NEMP2: variants seen among roughly 807,000 people sequenced by gnomAD.
NEMP2 encodes nuclear envelope integral membrane protein 2.
A neutral mutation model predicts 54.2 loss-of-function variants in NEMP2; 53 were observed. The ratio of observed to expected loss-of-function variants is 0.98; its 90% confidence interval spans 0.78 to 1.23. The LOEUF is 1.23. Ranked by LOEUF, NEMP2 falls within the 50% of genes most tolerant of loss-of-function variation. The pLI, the probability that NEMP2 is intolerant of heterozygous loss-of-function variation, is 0.00. For missense variants in NEMP2, 455 were observed against 511.3 expected (o/e 0.89, Z 1.06); for synonymous variants, 197 against 190.3 (o/e 1.04, Z -0.29).
chr2:190,644,781 G>C, the NEMP2 span, among the ~76,000 whole-genome samples: 1 of 152,172 alleles, frequency 6.6e-6, no homozygotes, highest in Non-Finnish European at 1.5e-5. The surrounding 1 kb of genome is among the most constrained non-coding windows in gnomAD (Gnocchi z 4.4). Flanking sequence ...AGGCAGAAAA[G>C]ACAACTATTG....
At chr2:190,642,212 T>TTG in the NEMP2 span, among the ~76,000 whole-genome samples, 10 of 152,232 alleles carry the variant, frequency 6.6e-5, no homozygotes, top group South Asian at 4.1e-4. The surrounding 1 kb of genome is among the most constrained non-coding windows in gnomAD (Gnocchi z 4.1). Context: ...GGGTTTTTTT[T>TTG]TTGTTGTTGT....
chr2:190,550,894 T>C, the NEMP2 span, among the ~76,000 whole-genome samples: 63 of 152,320 alleles, frequency 4.1e-4, no homozygotes, highest in Non-Finnish European at 8.5e-4. The surrounding 1 kb of genome is among the most constrained non-coding windows in gnomAD (Gnocchi z 4.7). Context: ...AACCTAGTCA[T>C]TGTAAATATT....
At chr2:190,456,505 C>T in the NEMP2 span, among the ~76,000 whole-genome samples, 3 of 152,148 alleles carry the variant, frequency 2.0e-5, no homozygotes, top group African/African-American at 7.2e-5. This position sits in a 1 kb window ranked among gnomAD's most constrained non-coding sequence, Gnocchi z 5.4. Context: ...GTGATATGAG[C>T]CCCACTCCGG....
At chr2:190,616,327 A>G in the NEMP2 span, among the ~76,000 whole-genome samples, 6 of 152,260 alleles carry the variant, frequency 3.9e-5, no homozygotes, top group Admixed American at 2.6e-4. The surrounding 1 kb of genome is among the most constrained non-coding windows in gnomAD (Gnocchi z 5.1). Flanking sequence ...GTAAAATGGT[A>G]CTGGAATTAG....
At chr2:190,546,612 T>C in the NEMP2 span, among the ~76,000 whole-genome samples, 1 of 152,196 alleles carries the variant, frequency 6.6e-6, no homozygotes, top group African/African-American at 2.4e-5. The surrounding 1 kb of genome is among the most constrained non-coding windows in gnomAD (Gnocchi z 5.1). Context: ...TAACGTTAGA[T>C]GAAAATGAAT....
chr2:190,514,311 C>G lies in NEMP2; in HGVS notation c.953+142G>C. On this transcript the variant is annotated intron_variant, in intron 7 of 8. Coordinates refer to ENST00000409150, the MANE Select transcript of NEMP2 (RefSeq NM_001142645.2). The surrounding 1 kb of genome is among the most constrained non-coding windows in gnomAD (Gnocchi z 5.7). ...ATCAGATGCTTGGAGCTCTCTACCCCTACACCCCCAATCTTGCTCAGAATG... is the reference window on the plus strand; with the variant it reads ...ATCAGATGCTTGGAGCTCTCTACCCGTACACCCCCAATCTTGCTCAGAATG... 1 of 816,474 alleles carries G rather than the reference C, an allele frequency of 1.2e-6. No individual in the cohort carries two copies. Among genetic ancestry groups the G allele is most frequent in the Non-Finnish European group, 2.0e-6 (1 of 510,188 alleles). 50.6% of individuals were successfully genotyped at this position (816,474 alleles called of 1,614,324 possible). A position where few individuals can be genotyped will look rare whatever the true frequency, so the allele number is the denominator to read the frequency against.
the NEMP2 span, among the ~76,000 whole-genome samples, chr2:190,496,387 A>C: frequency 1.5e-4 from 23 of 152,332 alleles, no homozygotes; most frequent in East Asian, 3.5e-3. The surrounding 1 kb of genome is among the most constrained non-coding windows in gnomAD (Gnocchi z 4.7). Context: ...GCTGGTAGGA[A>C]TGTAAGCTGT....
chr2:190,579,657 C>T, the NEMP2 span, among the ~76,000 whole-genome samples: 1 of 152,168 alleles, frequency 6.6e-6, no homozygotes, highest in Admixed American at 6.5e-5. Context: ...AGATGTATGG[C>T]ATATAAATGC....
the NEMP2 span, among the ~76,000 whole-genome samples, chr2:190,632,106 A>G: frequency 6.6e-6 from 1 of 152,208 alleles, no homozygotes; most frequent in Non-Finnish European, 1.5e-5. This position sits in a 1 kb window ranked among gnomAD's most constrained non-coding sequence, Gnocchi z 4.8. Flanking sequence ...CTATGGTCTT[A>G]CTGGATCCAA....
At chr2:190,437,123 A>G in the NEMP2 span, 1 of 1,614,272 alleles carries the variant, frequency 6.2e-7, no homozygotes. This position sits in a 1 kb window ranked among gnomAD's most constrained non-coding sequence, Gnocchi z 5.9. Flanking sequence ...CCCCCCGAGT[A>G]CAGGAATTAC....
the NEMP2 span, among the ~76,000 whole-genome samples, chr2:190,485,510 A>G: frequency 1.1e-4 from 16 of 152,266 alleles, no homozygotes; most frequent in East Asian, 2.3e-3. This position sits in a 1 kb window ranked among gnomAD's most constrained non-coding sequence, Gnocchi z 5.1. Flanking sequence ...TTCTTGGAAT[A>G]TTTTTGAGTT....
chr2:190,592,316 T>C, the NEMP2 span, among the ~76,000 whole-genome samples: 1 of 152,170 alleles, frequency 6.6e-6, no homozygotes. The surrounding 1 kb of genome is among the most constrained non-coding windows in gnomAD (Gnocchi z 4.4). Flanking sequence ...GTATGTATAG[T>C]AGTTCCATAA....
At position 190,527,727 on chromosome 2, in the gene NEMP2, G is replaced by A. The variant is rs768102399; in HGVS notation, c.98-2349C>T. Among the ~76,000 whole-genome samples, 4 of 152,090 alleles carry A rather than the reference G, an allele frequency of 2.6e-5. No homozygotes were observed. Among genetic ancestry groups the A allele is most frequent in the African/African-American group, 9.7e-5 (4 of 41,418 alleles). On this transcript the variant is annotated intron_variant, in intron 1 of 8. Coordinates refer to ENST00000409150, the MANE Select transcript of NEMP2 (RefSeq NM_001142645.2). This position sits in a 1 kb window ranked among gnomAD's most constrained non-coding sequence, Gnocchi z 4.0. ...CAGGGCTGCAGGAGGTGAGCGGTGC[G>A]CGAGGCGAGTGATCATTACCACCTG...
At chr2:190,617,324 AT>A in the NEMP2 span, among the ~76,000 whole-genome samples, 1 of 151,760 alleles carries the variant, frequency 6.6e-6, no homozygotes, top group Non-Finnish European at 1.5e-5. The surrounding 1 kb of genome is among the most constrained non-coding windows in gnomAD (Gnocchi z 5.0). Flanking sequence ...AGGCTGAGTG[AT>A]TTTTTTTCTG....
chr2:190,641,925 C>A, the NEMP2 span, among the ~76,000 whole-genome samples: 1 of 152,294 alleles, frequency 6.6e-6, no homozygotes, highest in East Asian at 1.9e-4. Context: ...TTAAGAAAGT[C>A]TTTTCAAAAG....
At chr2:190,444,927 T>A in the NEMP2 span, 1 of 789,548 alleles carries the variant, frequency 1.3e-6, no homozygotes, top group Non-Finnish European at 1.5e-6. Context: ...GCACTATGTA[T>A]CTTGGTAAAT....
the NEMP2 span, chr2:190,641,294 G>C: frequency 6.6e-6 from 1 of 152,224 alleles, no homozygotes; most frequent in African/African-American, 2.4e-5. Flanking sequence ...TTCAAGAAGG[G>C]CTCTCTTCCT....
chr2:190,445,199 A>G, the NEMP2 span, among the ~76,000 whole-genome samples: 4 of 152,212 alleles, frequency 2.6e-5, no homozygotes, highest in African/African-American at 9.6e-5. Context: ...CATATTAAAG[A>G]GAATTACAGG....
At chr2:190,496,143 GA>G in the NEMP2 span, among the ~76,000 whole-genome samples, 1,777 of 141,488 alleles carry the variant, frequency 0.013, 42 homozygotes, top group African/African-American at 0.041. The surrounding 1 kb of genome is among the most constrained non-coding windows in gnomAD (Gnocchi z 4.7). Context: ...AAATTAGCAA[GA>G]AAAAAAAAAA....
Sources: gnomAD v4.1 joint callset for allele counts (sites outside exome capture counted in the v4.1 genomes callset) on GRCh38, gnomAD v4.1.1 for gene constraint, Gnocchi (gnomAD v3.1) non-coding constraint, MANE v1.5 for transcripts, NCBI Gene and HGNC (gene_info 2026-07-23, HGNC 2026-07-21) for gene names.